ERP44: variants seen among roughly 807,000 people sequenced by gnomAD.
The protein encoded by ERP44 is endoplasmic reticulum resident protein 44.
A neutral mutation model predicts 53.4 loss-of-function variants in ERP44; 25 were observed. The ratio of observed to expected loss-of-function variants is 0.47; its 90% CI spans 0.34 to 0.65. ERP44 has a LOEUF of 0.65. Among genes scored for constraint, ERP44 ranks in the 30% least tolerant of loss-of-function variants. ERP44 has a pLI of 0.01. For synonymous variants in ERP44, 145 were observed against 161.2 expected (o/e 0.90, Z 0.76); for missense variants, 338 against 493.2 (o/e 0.69, Z 2.98).
intron 10 of ERP44, among the ~76,000 whole-genome samples, chr9:100,005,524 T>C (rs1272814226): frequency 6.6e-6 from 1 of 152,248 alleles, no homozygotes; most frequent in African/African-American, 2.4e-5. Context: ...TACTTTATGG[T>C]TTATAACATA....
chr9:100,044,929 T>C (rs1398335027), intron 4 of ERP44, among the ~76,000 whole-genome samples: 1 of 152,222 alleles, frequency 6.6e-6, no homozygotes, highest in Non-Finnish European at 1.5e-5. Context: ...GTTGTTTTTA[T>C]TCAGAAATGG....
intron 1 of ERP44, among the ~76,000 whole-genome samples, chr9:100,097,095 T>G (rs1283559443): frequency 2.0e-5 from 3 of 152,180 alleles, no homozygotes; most frequent in Non-Finnish European, 2.9e-5. Flanking sequence ...TTCCAGATTT[T>G]TATGCCTTTA....
Position 100,060,112 on chromosome 9 carries a change from C to A in ERP44, c.118G>T (p.Asp40Tyr). Residue 40 changes from aspartate to tyrosine, a missense_variant, in exon 2 of 12, where the codon GAT becomes TAT. Asp to Tyr is a radical substitution (Grantham distance 160). This residue lies in a region of ERP44 where 224 missense variants were observed against 301.4 expected (regional missense o/e 0.74). Transcript: ENST00000262455. ...TTGAGGTACTTACTTAAAATTTCAT[C>A]TATATTCTCTGTATCAAGACTTGTT... ...EITSLDTENI[D>Y]EILNNADVAL... is the part of the protein sequence containing the mutation. The A allele has an allele frequency of 6.8e-7, 1 of 1,476,156 alleles. No homozygotes were observed. The highest frequency in any genetic ancestry group is 9.0e-7 in the Non-Finnish European group (1 of 1,113,892). The allele number at this position is 1,476,156 out of a possible 1,614,324, so 91.4% of individuals were successfully genotyped here.
intron 2 of ERP44, 84 bp downstream of exon 2, chr9:100,060,016 T>TAA: frequency 8.7e-7 from 1 of 1,155,724 alleles, no homozygotes; most frequent in Non-Finnish European, 1.1e-6. Context: ...CTAACTGAGA[T>TAA]TTTATTGGGT....
chr9:99,983,136 C>A (rs1323951533), intron 11 of ERP44, among the ~76,000 whole-genome samples: 2 of 152,038 alleles, frequency 1.3e-5, no homozygotes, highest in Non-Finnish European at 2.9e-5. Flanking sequence ...TACCAGGATA[C>A]CAGAAATTAT....
intron 4 of ERP44, among the ~76,000 whole-genome samples, chr9:100,048,374 G>A (rs962488500): frequency 6.6e-6 from 1 of 152,082 alleles, no homozygotes; most frequent in Non-Finnish European, 1.5e-5. Flanking sequence ...AAATAAGAGT[G>A]CAGGTGAGGG....
chr9:100,022,707 T>C (rs1830606182), intron 4 of ERP44, among the ~76,000 whole-genome samples: 1 of 152,188 alleles, frequency 6.6e-6, no homozygotes, highest in African/African-American at 2.4e-5. Context: ...CTAAAGTCTT[T>C]GCATGGTCCA....
At chr9:100,029,994 G>A (rs1232509352) in intron 4 of ERP44, among the ~76,000 whole-genome samples, 7 of 152,100 alleles carry the variant, frequency 4.6e-5, no homozygotes, top group South Asian at 4.2e-4. Context: ...AGGCTGAGGC[G>A]GGAGAATCAC....
intron 8 of ERP44, among the ~76,000 whole-genome samples, chr9:100,014,348 G>C (rs1389206599): frequency 1.3e-5 from 2 of 152,084 alleles, no homozygotes; most frequent in African/African-American, 4.8e-5. Context: ...TGCAGTGGTG[G>C]ATCCTGGCTC....
chr9:100,092,403 G>A (rs567872616), intron 1 of ERP44, among the ~76,000 whole-genome samples: 86 of 152,294 alleles, frequency 5.6e-4, no homozygotes, highest in African/African-American at 1.9e-3. Flanking sequence ...AGTCTATCTT[G>A]AAAATAAGAT....
chr9:100,051,821 G>C (rs1826041165), intron 4 of ERP44, among the ~76,000 whole-genome samples: 1 of 152,128 alleles, frequency 6.6e-6, no homozygotes, highest in South Asian at 2.1e-4. Context: ...TATAGAGAAT[G>C]CTCCACCAGG....
chr9:100,091,512 C>T (rs760635502), intron 1 of ERP44, among the ~76,000 whole-genome samples: 8 of 152,112 alleles, frequency 5.3e-5, no homozygotes, highest in Non-Finnish European at 8.8e-5. Flanking sequence ...CATTTGGCCA[C>T]GTCAGCCAAC....
At chr9:100,079,827 T>C (rs887382017) in intron 1 of ERP44, among the ~76,000 whole-genome samples, 7 of 151,768 alleles carry the variant, frequency 4.6e-5, no homozygotes, top group Non-Finnish European at 7.4e-5. Context: ...CCTAGCTTCT[T>C]GGGAGGCTGA....
intron 10 of ERP44, chr9:99,998,368 C>T: frequency 8.4e-6 from 5 of 593,338 alleles, no homozygotes; most frequent in South Asian, 3.9e-5. Flanking sequence ...CCTCCCGCTT[C>T]CGCCACACGC....
At chr9:100,064,519 T>G (rs1826189229) in intron 1 of ERP44, among the ~76,000 whole-genome samples, 1 of 152,212 alleles carries the variant, frequency 6.6e-6, no homozygotes, top group Non-Finnish European at 1.5e-5. Context: ...TTGGTGATGA[T>G]CCACAGACTT....
chr9:99,993,692 C>T (rs1218054257), intron 10 of ERP44, among the ~76,000 whole-genome samples: 3 of 152,154 alleles, frequency 2.0e-5, no homozygotes, highest in Non-Finnish European at 2.9e-5. Context: ...AGCTTCTGCA[C>T]AGCAAAAGAA....
At position 99,989,222 on chromosome 9, in the gene ERP44, C is replaced by A. The variant is rs184661255; in HGVS notation, c.1017-4153G>T. Among the ~76,000 whole-genome samples the A allele has an allele frequency of 3.2e-4, 48 of 152,354 alleles. No homozygotes were observed. The East Asian group carries it at 8.9e-3, about 28-fold the overall frequency. ...TGTTTGAGCTCTGTGAACAGGCAGA[C>A]TGCCTCCTCAAGTGGGTCCCTGACC... On this transcript the variant is annotated intron_variant, in intron 10 of 11. Coordinates refer to ENST00000262455, the MANE Select transcript of ERP44 (RefSeq NM_015051.3).
intron 1 of ERP44, among the ~76,000 whole-genome samples, chr9:100,085,090 A>G (rs1221438251): frequency 6.6e-6 from 1 of 152,252 alleles, no homozygotes; most frequent in Non-Finnish European, 1.5e-5. Flanking sequence ...ATTAAAATTT[A>G]CTGAGGGCTC....
At chr9:99,985,136 A>G in intron 10 of ERP44, 67 bp from the exon 11 acceptor site, 2 of 1,103,166 alleles carry the variant, frequency 1.8e-6, no homozygotes, top group Admixed American at 2.0e-5. Flanking sequence ...CCAACTTCAC[A>G]GTATTAAAAA....
Sources: gnomAD v4.1 joint callset for allele counts (sites outside exome capture counted in the v4.1 genomes callset) on GRCh38, gnomAD v4.1.1 for gene constraint, gnomAD v4.1.1 regional missense constraint, MANE v1.5 for transcripts, NCBI Gene and HGNC (gene_info 2026-07-23, HGNC 2026-07-21) for gene names.